ADAMTSL3: variants seen among roughly 807,000 people sequenced by gnomAD.
The protein encoded by ADAMTSL3 is ADAMTS like 3.
A neutral mutation model predicts 201.7 loss-of-function variants in ADAMTSL3; 128 were observed. The observed-to-expected ratio is 0.63, with a 90% confidence interval of 0.55 to 0.73. ADAMTSL3 has a LOEUF of 0.73. Among genes scored for constraint, ADAMTSL3 ranks in the 30% least tolerant of loss-of-function variants. The pLI is 0.00. For missense variants in ADAMTSL3, 1,990 were observed against 2,119.6 expected (o/e 0.94, Z 1.20); for synonymous variants, 738 against 748.4 (o/e 0.99, Z 0.23).
intron 25 of ADAMTSL3, among the ~76,000 whole-genome samples, chr15:84,020,277 A>G (rs1272207312): frequency 6.6e-6 from 1 of 152,214 alleles, no homozygotes; most frequent in Non-Finnish European, 1.5e-5. Flanking sequence ...CAGTCCGGCT[A>G]ACAGGTGACA....
In ADAMTSL3 at chr15:83,940,436, G is replaced by GCAGAT. The variant is rs372722171; in HGVS notation, c.2118-2159_2118-2155dup. 2.3e-3 allele frequency among the ~76,000 whole-genome samples: 355 copies of GCAGAT among 152,352 alleles called. 1 individual carries two copies. Among genetic ancestry groups the GCAGAT allele is most frequent in the Non-Finnish European group, 4.0e-3 (269 of 68,040 alleles). On this transcript the variant is annotated intron_variant, in intron 17 of 29. Transcript: ENST00000286744. ...GGGCTCTCTTCCTGACTTGCAGACA[G>GCAGAT]CAGATGTCTTGCTGTGTCCTCACAT...
At chr15:84,023,409 T>A (rs1246485064) in intron 26 of ADAMTSL3, among the ~76,000 whole-genome samples, 1 of 151,918 alleles carries the variant, frequency 6.6e-6, no homozygotes. Context: ...TCTCTAAGAG[T>A]GCCTTGGAGG....
At chr15:83,745,154 C>T (rs544855022) in intron 3 of ADAMTSL3, among the ~76,000 whole-genome samples, 5 of 152,320 alleles carry the variant, frequency 3.3e-5, no homozygotes, top group South Asian at 2.1e-4. Context: ...GGCTTGACAA[C>T]GTTGCTTCAG....
chr15:83,965,889 CTG>C (rs1220876735), intron 19 of ADAMTSL3, among the ~76,000 whole-genome samples: 1 of 152,182 alleles, frequency 6.6e-6, no homozygotes, highest in African/African-American at 2.4e-5. Context: ...TCACTCAAAA[CTG>C]CACAACTACA....
intron 17 of ADAMTSL3, among the ~76,000 whole-genome samples, chr15:83,928,006 C>G (rs1460807592): frequency 6.6e-6 from 1 of 150,426 alleles, no homozygotes; most frequent in Non-Finnish European, 1.5e-5. Flanking sequence ...GATAGGGTCT[C>G]TCTCTGTTGC....
At chr15:83,868,608 A>G (rs1411432454) in intron 8 of ADAMTSL3, among the ~76,000 whole-genome samples, 2 of 152,248 alleles carry the variant, frequency 1.3e-5, no homozygotes, top group African/African-American at 2.4e-5. Flanking sequence ...CATTTACACA[A>G]TTGAGGTCAA....
rs376139756 is a variant in ADAMTSL3, at chr15:83,779,263, C to T, written c.317+5613C>T. 3.9e-5 allele frequency among the ~76,000 whole-genome samples: 6 copies of T among 152,142 alleles called. No individual in the cohort carries two copies. In the East Asian group the frequency reaches 9.7e-4, roughly 25 times the overall value. On this transcript the variant is annotated intron_variant, in intron 4 of 29. Transcript: ENST00000286744. ...TGAACTCAGCACTGGATCAAATGAACCTGATAGACATCTACAGAACTCTCT... is the reference window on the plus strand; with the variant it reads ...TGAACTCAGCACTGGATCAAATGAATCTGATAGACATCTACAGAACTCTCT...
At chr15:84,007,035 G>C (rs1191060180) in intron 23 of ADAMTSL3, among the ~76,000 whole-genome samples, 1 of 152,178 alleles carries the variant, frequency 6.6e-6, no homozygotes, top group Non-Finnish European at 1.5e-5. Flanking sequence ...TCCCAAAGTA[G>C]ATGAAATGGC....
At chr15:83,884,207 T>C (rs1168965397) in intron 9 of ADAMTSL3, among the ~76,000 whole-genome samples, 1 of 151,540 alleles carries the variant, frequency 6.6e-6, no homozygotes, top group Non-Finnish European at 1.5e-5. Flanking sequence ...TAATCTTTTC[T>C]TAGCATTTTT....
At position 83,941,225 on chromosome 15, in the gene ADAMTSL3, T is replaced by C. The variant is rs189968306; in HGVS notation, c.2118-1371T>C. Among the ~76,000 whole-genome samples, 1,123 of 152,062 alleles carry C rather than the reference T, an allele frequency of 7.4e-3. 16 individuals are homozygous for C. Among genetic ancestry groups the C allele is most frequent in the African/African-American group, 0.026 (1,068 of 41,540 alleles). On this transcript the variant is annotated intron_variant, in intron 17 of 29. Coordinates refer to ENST00000286744, the MANE Select transcript of ADAMTSL3 (RefSeq NM_207517.3). ...AAACTTTTATTCTTTTGTCCTATTATATCTGCATTAAATACTACTTTTCAT... is the reference window on the plus strand; with the variant it reads ...AAACTTTTATTCTTTTGTCCTATTACATCTGCATTAAATACTACTTTTCAT...
At chr15:83,797,740 G>T (rs1004658152) in intron 4 of ADAMTSL3, among the ~76,000 whole-genome samples, 3 of 152,140 alleles carry the variant, frequency 2.0e-5, no homozygotes, top group Non-Finnish European at 2.9e-5. Flanking sequence ...GTGAAAACTG[G>T]TATGTCCATG....
intron 4 of ADAMTSL3, among the ~76,000 whole-genome samples, chr15:83,777,409 A>G (rs2063095727): frequency 6.6e-6 from 1 of 152,214 alleles, no homozygotes; most frequent in Non-Finnish European, 1.5e-5. Flanking sequence ...CCTGCAGTGC[A>G]GTGGATTCCT....
chr15:84,024,926 T>G (rs766556670), intron 26 of ADAMTSL3, among the ~76,000 whole-genome samples: 8 of 152,218 alleles, frequency 5.3e-5, no homozygotes, highest in Non-Finnish European at 1.0e-4. Context: ...CTCCACCTTT[T>G]GGAAATTTCC....
chr15:83,949,968 T>C (rs1177448350), intron 19 of ADAMTSL3, among the ~76,000 whole-genome samples: 1 of 152,104 alleles, frequency 6.6e-6, no homozygotes, highest in Non-Finnish European at 1.5e-5. Flanking sequence ...GGGTTGTGTC[T>C]ACTTTGTTGA....
intron 4 of ADAMTSL3, among the ~76,000 whole-genome samples, chr15:83,779,035 T>C (rs921028003): frequency 6.6e-6 from 1 of 152,250 alleles, no homozygotes; most frequent in Admixed American, 6.5e-5. Context: ...TACTTAATGG[T>C]AAAGGGTTCA....
chr15:83,975,692 G>A (rs1385031462), intron 20 of ADAMTSL3, among the ~76,000 whole-genome samples: 1 of 152,102 alleles, frequency 6.6e-6, no homozygotes, highest in African/African-American at 2.4e-5. Flanking sequence ...CCCACATGTG[G>A]GTAGATACAG....
intron 3 of ADAMTSL3, among the ~76,000 whole-genome samples, chr15:83,745,578 C>G (rs1170570880): frequency 6.6e-6 from 1 of 152,112 alleles, no homozygotes; most frequent in Non-Finnish European, 1.5e-5. Flanking sequence ...CCTGCACCTG[C>G]TCACCTGTGT....
chr15:83,807,875 T>TAC (rs2063625243), intron 5 of ADAMTSL3, among the ~76,000 whole-genome samples: 1 of 152,152 alleles, frequency 6.6e-6, no homozygotes, highest in African/African-American at 2.4e-5. Flanking sequence ...GTGCCAAGAA[T>TAC]ACACACTGGG....
chr15:83,981,983 T>C (rs2067391860), intron 20 of ADAMTSL3, among the ~76,000 whole-genome samples: 1 of 152,208 alleles, frequency 6.6e-6, no homozygotes, highest in Non-Finnish European at 1.5e-5. Flanking sequence ...TTTCACCAAA[T>C]CATTTAACCT....
Sources: gnomAD v4.1 joint callset for allele counts (sites outside exome capture counted in the v4.1 genomes callset) on GRCh38, gnomAD v4.1.1 for gene constraint, MANE v1.5 for transcripts, NCBI Gene and HGNC (gene_info 2026-07-23, HGNC 2026-07-21) for gene names.